Variants in MPDZ observed in about 807,000 individuals in gnomAD.
MPDZ encodes the protein multiple PDZ domain protein.
A neutral mutation model predicts 239.1 loss-of-function variants in MPDZ; 234 were observed. The ratio of observed to expected loss-of-function variants is 0.98; its 90% confidence interval spans 0.88 to 1.09. The LOEUF (loss-of-function observed/expected upper bound fraction) is 1.09. Among genes scored for constraint, MPDZ ranks in the 50% least tolerant of loss-of-function variants. MPDZ has a pLI of 0.00. For missense variants in MPDZ, 3,175 were observed against 2,510.0 expected, an observed-to-expected ratio of 1.26 and a Z score of -5.66; for synonymous variants, 1,048 against 881.3, an observed-to-expected ratio of 1.19 and a Z score of -3.35.
intron 26 of MPDZ, 122 bp downstream of exon 26, chr9:13,147,426 A>C: frequency 7.3e-6 from 5 of 684,002 alleles, no homozygotes. Context: ...AACTTCTAAC[A>C]AGTCTCCTGA....
rs1274899398 is a variant in MPDZ at position 13,168,508 on chromosome 9, GAAT to G, written c.3109_3111del (p.Ile1037del). ...CCATCTCGACTAATGGCACCTCCAT[GAAT>G]AATGCTTCGAACGATCATCCCCAAG... is the stretch of plus-strand genomic sequence containing the variant. On this transcript the variant is annotated inframe_deletion, in exon 22 of 47. Coordinates refer to ENST00000319217, the MANE Select transcript of MPDZ (RefSeq NM_001378778.1). 1 of 1,613,130 alleles carries G rather than the reference GAAT, an allele frequency of 6.2e-7. No homozygotes were observed. Among genetic ancestry groups the G allele is most frequent in the African/African-American group, 1.3e-5 (1 of 74,870 alleles).
chr9:13,185,409 GT>G (rs1389466929), intron 18 of MPDZ, among the ~76,000 whole-genome samples: 2 of 151,954 alleles, frequency 1.3e-5, no homozygotes, highest in African/African-American at 2.4e-5. Context: ...AATTTAACAG[GT>G]TTTAAACCTT....
intron 16 of MPDZ, 104 bp from the exon 17 acceptor site, chr9:13,189,097 T>C (rs972405313): frequency 1.0e-6 from 1 of 964,780 alleles, no homozygotes; most frequent in African/African-American, 1.7e-5. Flanking sequence ...CTCAAGTGCC[T>C]TTAAAAATTT....
intron 23 of MPDZ, among the ~76,000 whole-genome samples, chr9:13,159,738 C>A (rs1167269769): frequency 1.3e-5 from 2 of 152,068 alleles, no homozygotes; most frequent in African/African-American, 4.8e-5. Flanking sequence ...AGATAAATAT[C>A]CTGAATAATC....
intron 10 of MPDZ, among the ~76,000 whole-genome samples, chr9:13,214,008 A>G (rs747723123): frequency 3.9e-4 from 60 of 152,076 alleles, no homozygotes; most frequent in Non-Finnish European, 6.9e-4. Flanking sequence ...AAACTGAATC[A>G]GGGCATTTGG....
At chr9:13,107,189 G>A in intron 46 of MPDZ, 78 bp from the exon 47 acceptor site, 2 of 1,443,720 alleles carry the variant, frequency 1.4e-6, no homozygotes, top group Non-Finnish European at 1.9e-6. Context: ...GATCTCAACA[G>A]GAATGTAAAT....
chr9:13,173,218 G>C (rs1952015666), intron 21 of MPDZ, among the ~76,000 whole-genome samples: 1 of 152,148 alleles, frequency 6.6e-6, no homozygotes, highest in African/African-American at 2.4e-5. Flanking sequence ...ACAACAATGT[G>C]AGTGCACTTA....
At chr9:13,239,369 T>C (rs1564107102) in intron 3 of MPDZ, among the ~76,000 whole-genome samples, 1 of 152,126 alleles carries the variant, frequency 6.6e-6, no homozygotes, top group Non-Finnish European at 1.5e-5. Context: ...ATAACCCCAT[T>C]TCCCTATCTA....
chr9:13,186,927 C>T (rs534912248), intron 17 of MPDZ, among the ~76,000 whole-genome samples: 1 of 152,180 alleles, frequency 6.6e-6, no homozygotes, highest in East Asian at 1.9e-4. Context: ...TTTAGCATGG[C>T]TTATAAAACA....
At position 13,186,305 on chromosome 9, in the gene MPDZ, C is replaced by T. The variant is rs1233370963; in HGVS notation, c.2446G>A (p.Ala816Thr). 1.3e-6 allele frequency: 2 copies of T among 1,594,216 alleles called. No homozygotes were observed. The highest frequency in any genetic ancestry group is 2.3e-5 in the South Asian group (2 of 87,364). ...TCAGCCCTGAAGAGGGGTTTGTCAG[C>T]CAGCCCTGCTTCCTCACAGGAGTGT... The part of the protein sequence containing the change: ...PPHSCEEAGL[A>T]DKPLFRADLA... Residue 816 changes from alanine to threonine, a missense_variant, in exon 18 of 47, where the codon GCT (alanine) becomes ACT (threonine). Transcript: ENST00000319217.
At chr9:13,161,445 C>A (rs1950478537) in intron 23 of MPDZ, among the ~76,000 whole-genome samples, 1 of 152,056 alleles carries the variant, frequency 6.6e-6, no homozygotes, top group Admixed American at 6.6e-5. Context: ...GTGGTGGACA[C>A]CTGTAATCCC....
chr9:13,121,920 C>G lies in MPDZ; in HGVS notation c.5050G>C (p.Asp1684His). 5 of 1,613,080 alleles carry G rather than the reference C, an allele frequency of 3.1e-6. No individual in the cohort carries two copies. The highest frequency in any genetic ancestry group is 4.2e-6 in the Non-Finnish European group (5 of 1,179,482). ...GDQILEVNGI[D>H]LRKATHDEAI... ...TCATCATGTGTGGCCTTTCTCAAGT[C>G]AATTCCATTCACCTGTACAGAAATG... The change falls in exon 38 of 47, where the codon GAC becomes CAC. Residue 1684 changes from aspartate to histidine, a missense_variant. Coordinates refer to ENST00000319217, the MANE Select transcript of MPDZ (RefSeq NM_001378778.1).
chr9:13,168,748 T>A (rs1264426369), intron 21 of MPDZ, among the ~76,000 whole-genome samples, 184 bp from the exon 22 acceptor site: 1 of 152,168 alleles, frequency 6.6e-6, no homozygotes, highest in Non-Finnish European at 1.5e-5. Context: ...AAATTGTAAA[T>A]GTTTGTGAAA....
chr9:13,184,491 T>G (rs1241075541), intron 18 of MPDZ, among the ~76,000 whole-genome samples: 1 of 151,902 alleles, frequency 6.6e-6, no homozygotes, highest in Admixed American at 6.6e-5. Flanking sequence ...CAGGTCACAT[T>G]CTTACAAAAA....
rs546910549 is a variant in MPDZ at position 13,140,363 on chromosome 9, G to A, written c.3841-214C>T. ...TATAATACCTAACAAATAATGGAAG[G>A]CTCAGATTGTTAAATATTTTATATA... On this transcript the variant is annotated intron_variant, in intron 27 of 46. Transcript: ENST00000319217. Among the ~76,000 whole-genome samples, 268 of 143,588 alleles carry A rather than the reference G, an allele frequency of 1.9e-3. 2 individuals are homozygous for A. Among genetic ancestry groups the A allele is most frequent in the Non-Finnish European group, 3.3e-3 (219 of 66,454 alleles). 94.2% of individuals were successfully genotyped at this position (143,588 alleles called of 152,430 possible).
rs867749613 is a variant in MPDZ at position 13,198,785 on chromosome 9, T to G, written c.1547-2555A>C. Among the ~76,000 whole-genome samples, 44 of 51,698 alleles carry G rather than the reference T, an allele frequency of 8.5e-4. 1 individual carries two copies. Among genetic ancestry groups the G allele is most frequent in the African/African-American group, 1.0e-3 (26 of 24,888 alleles). The allele number at this position is 51,698 out of a possible 152,430, so 33.9% of individuals were successfully genotyped here. A position where few individuals can be genotyped will look rare whatever the true frequency, so the allele number is the denominator to read the frequency against. On this transcript the variant is annotated intron_variant, in intron 12 of 46. Coordinates refer to ENST00000319217, the MANE Select transcript of MPDZ (RefSeq NM_001378778.1). Reference sequence around the variant, plus strand: ...TGTGTGTGTGTGTGTGTGTGTGTGTTTTAGGACAGGCCTTTGTAACATATT... The same window carrying G: ...TGTGTGTGTGTGTGTGTGTGTGTGTGTTAGGACAGGCCTTTGTAACATATT...
intron 25 of MPDZ, among the ~76,000 whole-genome samples, chr9:13,150,305 T>G (rs1399994063): frequency 6.6e-6 from 1 of 151,888 alleles, no homozygotes; most frequent in East Asian, 1.9e-4. Context: ...AAGAAAGAAA[T>G]AATTTATCCA....
At chr9:13,158,161 C>A in intron 23 of MPDZ, 51 bp from the exon 24 acceptor site, 2 of 1,414,412 alleles carry the variant, frequency 1.4e-6, no homozygotes, top group Non-Finnish European at 2.0e-6. Context: ...TAAAAACATG[C>A]AAGATTATAT....
intron 23 of MPDZ, among the ~76,000 whole-genome samples, chr9:13,158,314 C>T (rs1436752610): frequency 6.6e-6 from 1 of 152,092 alleles, no homozygotes; most frequent in Non-Finnish European, 1.5e-5. Context: ...AATCAACGTA[C>T]CATAGCGTAG....
Sources: allele counts gnomAD v4.1 joint callset (sites outside exome capture counted in the v4.1 genomes callset), GRCh38; gene constraint gnomAD v4.1.1; transcripts MANE v1.5; gene names NCBI Gene and HGNC (gene_info 2026-07-23, HGNC 2026-07-21).